MAP2K6: variants seen among roughly 807,000 people sequenced by gnomAD.
MAP2K6 encodes the protein mitogen-activated protein kinase kinase 6.
A neutral mutation model predicts 53.7 loss-of-function variants in MAP2K6; 16 were observed. That is an observed-to-expected ratio of 0.30 (90% CI 0.20 to 0.45). The LOEUF (loss-of-function observed/expected upper bound fraction) is 0.45. Ranked by LOEUF, MAP2K6 falls within the 20% of genes least tolerant of loss-of-function variation. The pLI is 1.00. For missense variants in MAP2K6, 204 were observed against 411.9 expected (o/e 0.50, Z 4.37); for synonymous variants, 132 against 143.1 (o/e 0.92, Z 0.55).
chr17:69,414,743 A>G lies in MAP2K6; in HGVS notation c.-242A>G. 2.0e-6 allele frequency: 1 copy of G among 488,496 alleles called. No homozygotes were observed. The highest frequency in any genetic ancestry group is 2.0e-5 in the African/African-American group (1 of 51,050). 30.3% of individuals were successfully genotyped at this position (488,496 alleles called of 1,614,324 possible). A position where few individuals can be genotyped will look rare whatever the true frequency, so the allele number is the denominator to read the frequency against. On this transcript the variant is annotated 5_prime_UTR_variant, in exon 1 of 12. The change abolishes the stop of an existing upstream ORF in the 5' untranslated region. Coordinates refer to ENST00000590474, the MANE Select transcript of MAP2K6 (RefSeq NM_002758.4). ...AGCTGCCAGCCCTGGCCCATCATGT[A>G]GCTGCAGCACAGCCTTCCCTAACGT... is the stretch of plus-strand genomic sequence containing the variant.
intron 1 of MAP2K6, among the ~76,000 whole-genome samples, chr17:69,436,088 T>A (rs1906632581): frequency 6.6e-6 from 1 of 151,806 alleles, no homozygotes; most frequent in Admixed American, 6.6e-5. Flanking sequence ...TTAAAAGAAG[T>A]GAACAGCTGT....
chr17:69,468,301 T>G (rs976109356), intron 1 of MAP2K6, among the ~76,000 whole-genome samples: 1 of 152,204 alleles, frequency 6.6e-6, no homozygotes, highest in African/African-American at 2.4e-5. Context: ...TCTCAATTAG[T>G]TTTCCTGACT....
At chr17:69,441,215 C>CT (rs1370735366) in intron 1 of MAP2K6, among the ~76,000 whole-genome samples, 1 of 152,098 alleles carries the variant, frequency 6.6e-6, no homozygotes, top group African/African-American at 2.4e-5. Flanking sequence ...GATTGTATGT[C>CT]TTTGAATACT....
intron 11 of MAP2K6, among the ~76,000 whole-genome samples, chr17:69,541,088 C>A (rs1911598595): frequency 6.6e-6 from 1 of 152,130 alleles, no homozygotes; most frequent in Non-Finnish European, 1.5e-5. Flanking sequence ...ACAGTGAAAC[C>A]CTGTCTCTAC....
rs1207155858 is a variant in MAP2K6, at chr17:69,553,834, TA to T, written c.*12082del. 1 of 152,162 alleles carries T rather than the reference TA, an allele frequency of 6.6e-6. No individual in the cohort carries two copies. Among genetic ancestry groups the T allele is most frequent in the Non-Finnish European group, 1.5e-5 (1 of 68,028 alleles). The allele number at this position is 152,162 out of a possible 1,614,324, so 9.4% of individuals were successfully genotyped here. Reference sequence around the variant, plus strand: ...GGTGTGTTGATCTCATAAGAAAATGTACAACCAATAAAAGACATTTTAAAAA... The same window carrying T: ...GGTGTGTTGATCTCATAAGAAAATGTCAACCAATAAAAGACATTTTAAAAA... On this transcript the variant is annotated 3_prime_UTR_variant, in exon 12 of 12. Transcript: ENST00000590474.
At chr17:69,442,455 A>G (rs1470716030) in intron 1 of MAP2K6, among the ~76,000 whole-genome samples, 1 of 152,196 alleles carries the variant, frequency 6.6e-6, no homozygotes, top group Non-Finnish European at 1.5e-5. Context: ...AACTATCACA[A>G]AAAAATGCAG....
rs1274100925 is a variant in MAP2K6, at chr17:69,473,543, A to G, written c.17-32237A>G. Among the ~76,000 whole-genome samples, 10 of 152,282 alleles carry G rather than the reference A, an allele frequency of 6.6e-5. No individual in the cohort carries two copies. In the South Asian group the frequency reaches 2.1e-3, roughly 32 times the overall value. On this transcript the variant is annotated intron_variant, in intron 1 of 11. Transcript: ENST00000590474. Reference sequence around the variant, plus strand: ...CTTTCTTTATTTTCTAAATTTTATAATAAATATTTTCTTTTTGAACTCAGG... The same window carrying G: ...CTTTCTTTATTTTCTAAATTTTATAGTAAATATTTTCTTTTTGAACTCAGG...
Position 69,542,792 on chromosome 17 carries a change from GT to G in MAP2K6, c.*1041del, listed in dbSNP as rs1181376571. The G allele has an allele frequency of 6.6e-6, 1 of 152,190 alleles. No individual in the cohort carries two copies. The highest frequency in any genetic ancestry group is 6.5e-5 in the Admixed American group (1 of 15,276). The allele number at this position is 152,190 out of a possible 1,614,324, so 9.4% of individuals were successfully genotyped here. A position where few individuals can be genotyped will look rare whatever the true frequency, so the allele number is the denominator to read the frequency against. On this transcript the variant is annotated 3_prime_UTR_variant, in exon 12 of 12. Coordinates refer to ENST00000590474, the MANE Select transcript of MAP2K6 (RefSeq NM_002758.4). ...GTAAGTTGTAAGGATTGCCTTTGTA[GT>G]TAATGTACTCTTTGGCTTTGTTTGT...
At chr17:69,449,113 G>C (rs1431168621) in intron 1 of MAP2K6, among the ~76,000 whole-genome samples, 4 of 152,202 alleles carry the variant, frequency 2.6e-5, no homozygotes, top group African/African-American at 9.6e-5. Context: ...TTGGAGCCAG[G>C]CTACCTGGGT....
chr17:69,450,488 T>C (rs980177217), intron 1 of MAP2K6, among the ~76,000 whole-genome samples: 2 of 152,186 alleles, frequency 1.3e-5, no homozygotes, highest in Non-Finnish European at 2.9e-5. Flanking sequence ...AGTGCTTTTT[T>C]CCTTGATACA....
chr17:69,522,428 G>A (rs1039085101), intron 7 of MAP2K6, among the ~76,000 whole-genome samples: 1 of 152,138 alleles, frequency 6.6e-6, no homozygotes, highest in Non-Finnish European at 1.5e-5. Context: ...AATGAAATTT[G>A]TGTATCTTCT....
intron 2 of MAP2K6, among the ~76,000 whole-genome samples, chr17:69,516,646 G>A (rs1165221071): frequency 6.6e-6 from 1 of 152,136 alleles, no homozygotes; most frequent in Non-Finnish European, 1.5e-5. Flanking sequence ...TGTTAAAGAA[G>A]AAAGGGAGCC....
intron 1 of MAP2K6, among the ~76,000 whole-genome samples, chr17:69,431,948 C>T (rs970429234): frequency 4.6e-5 from 7 of 152,116 alleles, no homozygotes; most frequent in African/African-American, 7.2e-5. Context: ...GAGTGGCTGC[C>T]GGATTGGCTG....
intron 1 of MAP2K6, among the ~76,000 whole-genome samples, chr17:69,458,139 C>T (rs1386132133): frequency 2.0e-5 from 3 of 152,116 alleles, no homozygotes; most frequent in East Asian, 1.9e-4. Context: ...CTGCAACCTC[C>T]GCCTTCTGGG....
intron 1 of MAP2K6, among the ~76,000 whole-genome samples, chr17:69,431,381 T>C (rs1906457236): frequency 6.6e-6 from 1 of 151,806 alleles, no homozygotes; most frequent in South Asian, 2.1e-4. Flanking sequence ...ATAATTATAA[T>C]AGTAAGGGGA....
intron 1 of MAP2K6, among the ~76,000 whole-genome samples, chr17:69,430,341 G>GA (rs951750461): frequency 6.0e-5 from 9 of 149,164 alleles, no homozygotes; most frequent in Non-Finnish European, 1.0e-4. Context: ...GTCAAAAAGA[G>GA]AAAAAAAAAG....
intron 1 of MAP2K6, among the ~76,000 whole-genome samples, chr17:69,476,943 G>C (rs1308268462): frequency 6.6e-6 from 1 of 152,194 alleles, no homozygotes; most frequent in Non-Finnish European, 1.5e-5. Context: ...GCTAGCACTG[G>C]TTGTCTGAGA....
At chr17:69,449,205 G>A (rs1907084472) in intron 1 of MAP2K6, among the ~76,000 whole-genome samples, 1 of 152,106 alleles carries the variant, frequency 6.6e-6, no homozygotes, top group Non-Finnish European at 1.5e-5. Context: ...CTGTAAAATG[G>A]GGATGATACT....
chr17:69,415,900 TTTGTTTTTAAACA>T (rs1045402419), intron 1 of MAP2K6, among the ~76,000 whole-genome samples: 12 of 152,326 alleles, frequency 7.9e-5, no homozygotes, highest in African/African-American at 2.9e-4. Context: ...TTTCTTAATT[TTTGTTTTTAAACA>T]CAGTTGTATT....
Sources: gnomAD v4.1 joint callset for allele counts (sites outside exome capture counted in the v4.1 genomes callset) on GRCh38, gnomAD v4.1.1 for gene constraint, MANE v1.5 for transcripts, NCBI Gene and HGNC (gene_info 2026-07-23, HGNC 2026-07-21) for gene names.